The following GALNT14 variants were observed in gnomAD, a reference collection of about 807,000 sequenced individuals.
The protein encoded by GALNT14 is polypeptide N-acetylgalactosaminyltransferase 14, also known as UDP-GalNAc:polypeptide N-acetylgalactosaminyltransferase 14.
A neutral mutation model predicts 77.5 loss-of-function variants in GALNT14; 60 were observed. The ratio of observed to expected loss-of-function variants is 0.77; its 90% CI spans 0.63 to 0.96. The LOEUF is 0.96. Ranked by LOEUF, GALNT14 falls within the 40% of genes least tolerant of loss-of-function variation. The pLI is 0.00. For synonymous variants in GALNT14, 280 were observed against 281.7 expected (o/e 0.99, Z 0.06); for missense variants, 710 against 731.0 (o/e 0.97, Z 0.33).
At chr2:31,110,242 C>A (rs111921711) in intron 1 of GALNT14, among the ~76,000 whole-genome samples, 1 of 152,176 alleles carries the variant, frequency 6.6e-6, no homozygotes, top group Admixed American at 6.5e-5. Flanking sequence ...ATGCAGAGAG[C>A]ACACAGCTTC....
chr2:31,107,797 A>G (rs1267963614), intron 1 of GALNT14, among the ~76,000 whole-genome samples: 1 of 152,166 alleles, frequency 6.6e-6, no homozygotes, highest in African/African-American at 2.4e-5. Flanking sequence ...AGGGTTTCCT[A>G]AACGTCAAGC....
intron 1 of GALNT14, among the ~76,000 whole-genome samples, chr2:31,093,119 G>A (rs1387585164): frequency 6.6e-6 from 1 of 152,180 alleles, no homozygotes; most frequent in African/African-American, 2.4e-5. Context: ...AGGGTGCTAT[G>A]TGTACGGCTG....
chr2:31,127,681 C>T (rs1678767865), intron 1 of GALNT14, among the ~76,000 whole-genome samples: 1 of 152,166 alleles, frequency 6.6e-6, no homozygotes, highest in Non-Finnish European at 1.5e-5. Flanking sequence ...CATAGATGTA[C>T]ACATATGTTT....
the GALNT14 span, among the ~76,000 whole-genome samples, chr2:30,900,144 G>A: frequency 2.6e-5 from 4 of 152,140 alleles, no homozygotes; most frequent in African/African-American, 7.2e-5. Context: ...GCCAGGACTC[G>A]GGTTGCCAGA....
chr2:30,991,195 G>C (rs895569473), intron 2 of GALNT14: 8 of 151,652 alleles, frequency 5.3e-5, no homozygotes, highest in Non-Finnish European at 1.0e-4. Context: ...TGTCTCTCGG[G>C]GGGCTGTCAT....
At chr2:30,993,791 T>C (rs1057125024) in intron 1 of GALNT14, among the ~76,000 whole-genome samples, 1 of 152,144 alleles carries the variant, frequency 6.6e-6, no homozygotes, top group Non-Finnish European at 1.5e-5. Flanking sequence ...TTGTCTGAGG[T>C]CACACAGGTG....
chr2:31,060,768 G>A (rs1318605121), intron 1 of GALNT14, among the ~76,000 whole-genome samples: 1 of 152,142 alleles, frequency 6.6e-6, no homozygotes, highest in Admixed American at 6.5e-5. Context: ...CCAGTGAGGG[G>A]CCCGAAGACA....
chr2:31,065,795 T>C (rs1674913656), intron 1 of GALNT14, among the ~76,000 whole-genome samples: 1 of 152,170 alleles, frequency 6.6e-6, no homozygotes, highest in Non-Finnish European at 1.5e-5. Context: ...CTGCCGGGTG[T>C]CTGAGGAGAA....
intron 1 of GALNT14, among the ~76,000 whole-genome samples, chr2:31,009,450 G>C (rs1670884129): frequency 6.6e-6 from 1 of 152,084 alleles, no homozygotes; most frequent in African/African-American, 2.4e-5. Flanking sequence ...CATGGATTTA[G>C]CCCTGGTCCC....
intron 2 of GALNT14, among the ~76,000 whole-genome samples, chr2:30,984,960 G>C (rs77630235): frequency 6.6e-6 from 1 of 152,254 alleles, no homozygotes; most frequent in Non-Finnish European, 1.5e-5. Context: ...TTAATTCCAA[G>C]AGCAAGGGTA....
chr2:30,890,198 T>C, the GALNT14 span, among the ~76,000 whole-genome samples: 1 of 152,142 alleles, frequency 6.6e-6, no homozygotes, highest in Non-Finnish European at 1.5e-5. Context: ...ACAGGATGAT[T>C]TGATTTGAGT....
intron 2 of GALNT14, among the ~76,000 whole-genome samples, chr2:30,976,553 C>G (rs954664045): frequency 6.6e-6 from 1 of 151,828 alleles, no homozygotes; most frequent in Non-Finnish European, 1.5e-5. Context: ...ACTGGCAGGA[C>G]CTGTGTTAGC....
chr2:30,948,405 T>C (rs771756551), intron 6 of GALNT14, among the ~76,000 whole-genome samples: 2 of 152,258 alleles, frequency 1.3e-5, no homozygotes, highest in Non-Finnish European at 2.9e-5. Context: ...AGATAATCTA[T>C]GCTAACAATG....
At chr2:31,137,491 A>G (rs1679275429) in intron 1 of GALNT14, among the ~76,000 whole-genome samples, 1 of 152,162 alleles carries the variant, frequency 6.6e-6, no homozygotes, top group Non-Finnish European at 1.5e-5. Context: ...CCCGCAACGC[A>G]CAGGCGCGCG....
chr2:31,136,042 C>A (rs1324495451), intron 1 of GALNT14, among the ~76,000 whole-genome samples: 1 of 152,180 alleles, frequency 6.6e-6, no homozygotes, highest in African/African-American at 2.4e-5. Flanking sequence ...CATGTCCCTG[C>A]AGGTATCATT....
intron 13 of GALNT14, among the ~76,000 whole-genome samples, chr2:30,923,274 G>A (rs918995344): frequency 6.6e-6 from 1 of 152,074 alleles, no homozygotes; most frequent in Non-Finnish European, 1.5e-5. Context: ...ATGTTTGCCA[G>A]GCTGGTCTTG....
intron 1 of GALNT14, among the ~76,000 whole-genome samples, chr2:31,030,161 A>C (rs1028370881): frequency 3.3e-5 from 5 of 152,216 alleles, no homozygotes; most frequent in Admixed American, 6.5e-5. Context: ...GAAAAGCACA[A>C]GAGGAAAACT....
chr2:30,982,408 C>A (rs1669044951), intron 2 of GALNT14, among the ~76,000 whole-genome samples: 2 of 152,278 alleles, frequency 1.3e-5, no homozygotes, highest in East Asian at 1.9e-4. Flanking sequence ...GCTGGAAAAA[C>A]CCCAAATGAG....
intron 9 of GALNT14, among the ~76,000 whole-genome samples, chr2:30,934,833 C>T (rs1479309895): frequency 6.6e-6 from 1 of 152,168 alleles, no homozygotes; most frequent in East Asian, 1.9e-4. Context: ...TCACCTCCAT[C>T]CTACCAGCCC....
Sources: gnomAD v4.1 joint callset for allele counts (sites outside exome capture counted in the v4.1 genomes callset) on GRCh38, gnomAD v4.1.1 for gene constraint, MANE v1.5 for transcripts, NCBI Gene and HGNC (gene_info 2026-07-23, HGNC 2026-07-21) for gene names.